Variants in TTC1 observed in about 807,000 individuals in gnomAD.
TTC1 encodes tetratricopeptide repeat protein 1.
In TTC1, 31 loss-of-function variants were observed where a neutral mutation model predicts 37.6. The ratio of observed to expected loss-of-function variants is 0.82; its 90% CI spans 0.62 to 1.11. The LOEUF is 1.11. Ranked by LOEUF, TTC1 falls within the 50% of genes most tolerant of loss-of-function variation. TTC1 has a pLI of 0.00. For synonymous variants in TTC1, 127 were observed against 122.4 expected (o/e 1.04, Z -0.25); for missense variants, 351 against 339.0 (o/e 1.04, Z -0.28).
intron 3 of TTC1, among the ~76,000 whole-genome samples, chr5:160,035,874 G>A (rs368828984): frequency 6.6e-6 from 1 of 151,516 alleles, no homozygotes; most frequent in Non-Finnish European, 1.5e-5. Context: ...AACATTTTCC[G>A]CTAGTTATTT....
chr5:160,033,775 G>A (rs1356464056), intron 2 of TTC1, among the ~76,000 whole-genome samples: 1 of 152,186 alleles, frequency 6.6e-6, no homozygotes, highest in Non-Finnish European at 1.5e-5. Context: ...TGACCCGTGG[G>A]GATATTTGGG....
At chr5:160,026,708 A>T (rs562065663) in intron 2 of TTC1, among the ~76,000 whole-genome samples, 1 of 152,258 alleles carries the variant, frequency 6.6e-6, no homozygotes, top group Admixed American at 6.5e-5. Flanking sequence ...TATGCATCCT[A>T]TAGTCAACAT....
chr5:160,035,760 G>A (rs1447996852), intron 3 of TTC1, among the ~76,000 whole-genome samples: 1 of 152,164 alleles, frequency 6.6e-6, no homozygotes, highest in South Asian at 2.1e-4. Flanking sequence ...TTAGAAATAA[G>A]TTGGTGGGGT....
chr5:160,040,267 C>T (rs1757065021), intron 4 of TTC1, among the ~76,000 whole-genome samples: 1 of 150,568 alleles, frequency 6.6e-6, no homozygotes, highest in African/African-American at 2.4e-5. Context: ...CATATGTATA[C>T]ACACACACAC....
chr5:160,059,634 A>G (rs1237192553), intron 7 of TTC1, among the ~76,000 whole-genome samples: 1 of 152,190 alleles, frequency 6.6e-6, no homozygotes, highest in African/African-American at 2.4e-5. Flanking sequence ...GGGAAGAGGG[A>G]AGCCTGAGGA....
chr5:160,024,030 TGCA>T, intron 2 of TTC1: 1 of 1,352,104 alleles, frequency 7.4e-7, no homozygotes, highest in East Asian at 2.3e-5. Context: ...CCACACTTCT[TGCA>T]GGTAGTGTTC....
intron 2 of TTC1, among the ~76,000 whole-genome samples, chr5:160,018,222 C>T (rs977981124): frequency 2.6e-5 from 4 of 152,190 alleles, no homozygotes; most frequent in Non-Finnish European, 4.4e-5. Flanking sequence ...CCTTACCAGA[C>T]GCGAAATCTG....
At chr5:160,028,587 C>A (rs1167764056) in intron 2 of TTC1, among the ~76,000 whole-genome samples, 3 of 152,198 alleles carry the variant, frequency 2.0e-5, no homozygotes, top group African/African-American at 7.2e-5. Context: ...GATCCTCCCA[C>A]CTCAGCCTCC....
chr5:160,025,050 C>T (rs111869964), intron 2 of TTC1, among the ~76,000 whole-genome samples: 22,344 of 152,026 alleles, frequency 0.15, 1,970 homozygotes, highest in East Asian at 0.3. Flanking sequence ...GTTTTTGAGA[C>T]GAAGTCTCAC....
chr5:160,025,094 C>G (rs1268457030), intron 2 of TTC1, among the ~76,000 whole-genome samples: 1 of 152,194 alleles, frequency 6.6e-6, no homozygotes, highest in Non-Finnish European at 1.5e-5. Context: ...GTGGTGCAAT[C>G]TCAGCCCACT....
chr5:160,035,655 A>C (rs541263856), intron 3 of TTC1, among the ~76,000 whole-genome samples: 53 of 152,092 alleles, frequency 3.5e-4, no homozygotes, highest in African/African-American at 1.2e-3. Context: ...AAATTCTCCA[A>C]ACTGCTTCAG....
chr5:160,035,254 G>A lies in TTC1; in HGVS notation c.391+54G>A, dbSNP rs376869145. The A allele has an allele frequency of 8.1e-4, 1,171 of 1,444,546 alleles. 4 individuals are homozygous for A. The highest frequency in any genetic ancestry group is 3.4e-3 in the Middle Eastern group (19 of 5,572). 89.5% of individuals were successfully genotyped at this position (1,444,546 alleles called of 1,614,324 possible). A position where few individuals can be genotyped will look rare whatever the true frequency, so the allele number is the denominator to read the frequency against. ...GGTCATCTTGACTCCTCATCCTGTT[G>A]TAGAGTCTGTGAAGAAACCCCAAAG... is the stretch of plus-strand genomic sequence containing the variant. On this transcript the variant is annotated intron_variant, in intron 3 of 7. Coordinates refer to ENST00000231238, the MANE Select transcript of TTC1 (RefSeq NM_003314.3).
chr5:160,053,559 G>A (rs557587291), intron 7 of TTC1, among the ~76,000 whole-genome samples: 1 of 152,156 alleles, frequency 6.6e-6, no homozygotes, highest in African/African-American at 2.4e-5. Context: ...GTGAGACCTT[G>A]TCTTTAAAAA....
rs1444316920 is a variant in TTC1, at chr5:160,049,669, C to G, written c.690+7C>G. ...AGCAAGAGAAGCTTGTATGGTAAAA[C>G]CTAAAATTTTAAAAATATTTTTCCT... On this transcript the variant is annotated splice_region_variant and intron_variant, in intron 6 of 7. Coordinates refer to ENST00000231238, the MANE Select transcript of TTC1 (RefSeq NM_003314.3). The G allele has an allele frequency of 6.4e-7, 1 of 1,557,108 alleles. No homozygotes were observed. The highest frequency in any genetic ancestry group is 2.1e-5 in the Admixed American group (1 of 47,164).
intron 2 of TTC1, among the ~76,000 whole-genome samples, chr5:160,027,360 G>A (rs1561628315): frequency 6.6e-6 from 1 of 152,162 alleles, no homozygotes; most frequent in African/African-American, 2.4e-5. Context: ...TAATTTCAGT[G>A]AAATATATTG....
chr5:160,032,858 C>A (rs1200358047), intron 2 of TTC1, among the ~76,000 whole-genome samples: 1 of 151,016 alleles, frequency 6.6e-6, no homozygotes, highest in African/African-American at 2.4e-5. Flanking sequence ...GGACTACAGG[C>A]GCCTGCCACC....
chr5:160,031,679 A>G (rs1028971583), intron 2 of TTC1, among the ~76,000 whole-genome samples: 6 of 152,074 alleles, frequency 3.9e-5, no homozygotes, highest in African/African-American at 1.4e-4. Context: ...TCGCTTTGCT[A>G]CCTCAACTTT....
chr5:160,014,513 ATT>A (rs1296335417), intron 2 of TTC1, among the ~76,000 whole-genome samples: 1 of 150,224 alleles, frequency 6.7e-6, no homozygotes, highest in Non-Finnish European at 1.5e-5. Flanking sequence ...AAAAAAAAAA[ATT>A]TTTTTTTAAT....
At chr5:160,045,554 CCCCT>C (rs1323212083) in intron 5 of TTC1, among the ~76,000 whole-genome samples, 6 of 116,044 alleles carry the variant, frequency 5.2e-5, no homozygotes, top group African/African-American at 1.9e-4. Context: ...TCTCTCTCTC[CCCCT>C]CCCCTCTCTC....
Sources: gnomAD v4.1 joint callset for allele counts (sites outside exome capture counted in the v4.1 genomes callset) on GRCh38, gnomAD v4.1.1 for gene constraint, MANE v1.5 for transcripts, NCBI Gene and HGNC (gene_info 2026-07-23, HGNC 2026-07-21) for gene names.